ZFPM1: variants seen among roughly 807,000 people sequenced by gnomAD.
The protein encoded by ZFPM1 is zinc finger protein ZFPM1.
In ZFPM1, 28 loss-of-function variants were observed where a neutral mutation model predicts 46.3. That is an observed-to-expected ratio of 0.60 (90% confidence interval 0.45 to 0.83). The LOEUF (loss-of-function observed/expected upper bound fraction) is 0.83. Among genes scored for constraint, ZFPM1 ranks in the 40% least tolerant of loss-of-function variants. The pLI, the probability that ZFPM1 is intolerant of heterozygous loss-of-function variation, is 0.00. For synonymous variants in ZFPM1, 957 were observed against 675.9 expected, an observed-to-expected ratio of 1.42 and a Z score of -6.45; for missense variants, 1,878 against 1,432.4, an observed-to-expected ratio of 1.31 and a Z score of -5.02.
intron 1 of ZFPM1, among the ~76,000 whole-genome samples, chr16:88,476,973 G>A (rs1202739857): frequency 1.3e-5 from 2 of 152,262 alleles, no homozygotes; most frequent in African/African-American, 4.8e-5. Flanking sequence ...GTGTGATAGC[G>A]ATGGAGAGAA....
chr16:88,510,405 C>T (rs1297246554), intron 3 of ZFPM1, among the ~76,000 whole-genome samples: 1 of 152,248 alleles, frequency 6.6e-6, no homozygotes, highest in Non-Finnish European at 1.5e-5. Flanking sequence ...CTGCTTCCAT[C>T]CCCATGGGGT....
rs1912970063 is a variant in ZFPM1 at position 88,533,426 on chromosome 16, C to G, written c.1468C>G (p.Pro490Ala). Residue 490 changes from proline to alanine, a missense_variant, in exon 10 of 10, where the codon CCG becomes GCG. Pro to Ala is a conservative substitution (Grantham distance 27, BLOSUM62 -1). Coordinates refer to ENST00000319555, the MANE Select transcript of ZFPM1 (RefSeq NM_153813.3). ...TGGGCCCCAGGCCCCGTCGCGGACG[C>G]CGTCGCCGCGCAGCCCCGCCCCGGC... ...EPGPQAPSRT[P>A]SPRSPAPARV... 1.4e-6 allele frequency: 2 copies of G among 1,474,468 alleles called. No homozygotes were observed. The highest frequency in any genetic ancestry group is 2.6e-5 in the South Asian group (2 of 76,390). The allele number at this position is 1,474,468 out of a possible 1,614,324, so 91.3% of individuals were successfully genotyped here. A position where few individuals can be genotyped will look rare whatever the true frequency, so the allele number is the denominator to read the frequency against.
At chr16:88,502,727 C>G (rs1255602249) in intron 3 of ZFPM1, among the ~76,000 whole-genome samples, 1 of 152,252 alleles carries the variant, frequency 6.6e-6, no homozygotes, top group Non-Finnish European at 1.5e-5. Context: ...GGGAATTTAT[C>G]CCAGAAAAAT....
intron 1 of ZFPM1, among the ~76,000 whole-genome samples, chr16:88,473,996 C>T (rs932095603): frequency 6.6e-6 from 1 of 152,238 alleles, no homozygotes; most frequent in Non-Finnish European, 1.5e-5. Flanking sequence ...ATCGGAGGGC[C>T]GGGAGTGGCC....
chr16:88,519,764 GGTGGGT>G, intron 4 of ZFPM1, among the ~76,000 whole-genome samples: 3 of 150,340 alleles, frequency 2.0e-5, no homozygotes, highest in African/African-American at 7.4e-5. Flanking sequence ...ACAGATGGAT[GGTGGGT>G]GGATGGATGG....
intron 4 of ZFPM1, among the ~76,000 whole-genome samples, chr16:88,524,055 C>T (rs1022080963): frequency 8.5e-5 from 13 of 152,328 alleles, no homozygotes; most frequent in African/African-American, 3.1e-4. Context: ...AGCATTAAAC[C>T]GGCCGGCAGG....
intron 1 of ZFPM1, among the ~76,000 whole-genome samples, chr16:88,479,445 C>G (rs1908828236): frequency 6.6e-6 from 1 of 151,996 alleles, no homozygotes; most frequent in South Asian, 2.1e-4. Flanking sequence ...GGACCCAGGC[C>G]CTCTGCAATG....
rs760642015 is a variant in ZFPM1, at chr16:88,532,901, A to G, written c.1155A>G (p.Pro385=). The G allele has an allele frequency of 2.5e-6, 4 of 1,613,144 alleles. No individual in the cohort carries two copies. In the Admixed American group the frequency reaches 6.7e-5, roughly 27 times the overall value. ...GCTCCAAGGGTGAGATCTACTCGCC[A>G]GGGGCCGGACACCCAGCAACCAAGC... ...QPGSKGEIYS[P]GAGHPATKLP... is the part of the protein sequence containing the mutation. The change falls in exon 9 of 10, where the codon CCA becomes CCG. Residue 385 remains proline (P), a synonymous_variant. Transcript: ENST00000319555.
At chr16:88,464,301 G>GC (rs1415821139) in intron 1 of ZFPM1, among the ~76,000 whole-genome samples, 1 of 152,206 alleles carries the variant, frequency 6.6e-6, no homozygotes, top group African/African-American at 2.4e-5. Flanking sequence ...CCCCCAGGCT[G>GC]CCTGTTTATG....
chr16:88,459,785 T>TCCC (rs1907733459), intron 1 of ZFPM1, among the ~76,000 whole-genome samples: 1 of 58,984 alleles, frequency 1.7e-5, no homozygotes, highest in Non-Finnish European at 3.2e-5. Flanking sequence ...CTTCCCCTCC[T>TCCC]CCTCCCCCTC....
At chr16:88,467,137 G>A (rs1272988018) in intron 1 of ZFPM1, among the ~76,000 whole-genome samples, 1 of 152,104 alleles carries the variant, frequency 6.6e-6, no homozygotes, top group Non-Finnish European at 1.5e-5. Context: ...TGTCACCTAG[G>A]GCCTCGTCCC....
At chr16:88,532,753 C>T (rs751584200) in intron 8 of ZFPM1, 36 bp from the exon 9 acceptor site, 14 of 1,612,644 alleles carry the variant, frequency 8.7e-6, no homozygotes, top group Admixed American at 1.7e-5. Flanking sequence ...CCCGCCTCCC[C>T]GCCCTGGGCC....
In ZFPM1 at chr16:88,471,297, C is replaced by T. The variant is rs1746192331; in HGVS notation, c.41-14642C>T. Among the ~76,000 whole-genome samples the T allele has an allele frequency of 6.6e-6, 1 of 152,268 alleles. No homozygotes were observed. Among genetic ancestry groups the T allele is most frequent in the Non-Finnish European group, 1.5e-5 (1 of 68,048 alleles). ...CCTCCACCCTCGCGAAGGCCAGCGG[C>T]CGCAGGGTCTGGCTTGGGCTATAGC... On this transcript the variant is annotated intron_variant, in intron 1 of 9. Coordinates refer to ENST00000319555, the MANE Select transcript of ZFPM1 (RefSeq NM_153813.3). The surrounding 1 kb of genome is among the most constrained non-coding windows in gnomAD (Gnocchi z 4.1).
rs772812476 is a variant in ZFPM1, at chr16:88,534,433, C to T, written c.2475C>T (p.Ser825=). The T allele has an allele frequency of 2.7e-6, 4 of 1,496,938 alleles. No homozygotes were observed. In the African/African-American group the frequency reaches 4.4e-5, roughly 16 times the overall value. The allele number at this position is 1,496,938 out of a possible 1,614,324, so 92.7% of individuals were successfully genotyped here. ...ACGAGTGCACGGCCTGCCGCGTGAG[C>T]TTCCACAGCCTCGAGGCCTACCTGG... is the stretch of plus-strand genomic sequence containing the variant. ...DYHECTACRV[S]FHSLEAYLAH... is the part of the protein sequence containing the mutation. Residue 825 remains serine, a synonymous_variant, in exon 10 of 10, where the codon AGC becomes AGT. Transcript: ENST00000319555.
chr16:88,453,876 C>T (rs1907410386), intron 1 of ZFPM1, among the ~76,000 whole-genome samples, 198 bp downstream of exon 1: 1 of 151,788 alleles, frequency 6.6e-6, no homozygotes, highest in African/African-American at 2.4e-5. Context: ...TCGGCTTGGG[C>T]ACCGGGGGGT....
At chr16:88,493,123 G>GAGCTGTCCCGGGGTGGGGA (rs1909690445) in intron 3 of ZFPM1, among the ~76,000 whole-genome samples, 1 of 72,520 alleles carries the variant, frequency 1.4e-5, no homozygotes, top group East Asian at 5.6e-4. Context: ...CGGGGTGGGG[G>GAGCTGTCCCGGGGTGGGGA]GAGCTGTCCC....
chr16:88,514,449 A>G lies in ZFPM1; in HGVS notation c.331A>G (p.Thr111Ala). The G allele has an allele frequency of 6.4e-7, 1 of 1,558,442 alleles. No homozygotes were observed. The highest frequency in any genetic ancestry group is 8.7e-7 in the Non-Finnish European group (1 of 1,151,516). ...CATACGGGCCCGACTCAGCCTCGCC[A>G]CGGGCCTGTCCTGGGGCCCGTTCCA... ...RRIRARLSLA[T>A]GLSWGPFHGS... The change falls in exon 4 of 10, where the codon ACG becomes GCG. Residue 111 changes from threonine (T) to alanine (A), a missense_variant. Coordinates refer to ENST00000319555, the MANE Select transcript of ZFPM1 (RefSeq NM_153813.3).
Position 88,533,805 on chromosome 16 carries a change from A to C in ZFPM1, c.1847A>C (p.Lys616Thr). The C allele has an allele frequency of 8.8e-7, 1 of 1,134,178 alleles. No homozygotes were observed. The highest frequency in any genetic ancestry group is 1.1e-6 in the Non-Finnish European group (1 of 911,710). The allele number at this position is 1,134,178 out of a possible 1,614,324, so 70.3% of individuals were successfully genotyped here. Reference protein sequence around the residue: ...PEDAPAARRPKAPPGPARAPP... With the variant: ...PEDAPAARRPTAPPGPARAPP... ...GACGCGCCTGCCGCGCGCAGGCCCA[A>C]GGCGCCCCCCGGCCCGGCCCGCGCG... The change falls in exon 10 of 10, where the codon AAG becomes ACG. Residue 616 changes from lysine (K) to threonine (T), a missense_variant. Transcript: ENST00000319555.
At chr16:88,516,643 G>A (rs1597268824) in intron 4 of ZFPM1, 7 of 398,522 alleles carry the variant, frequency 1.8e-5, no homozygotes, top group Middle Eastern at 1.2e-3. Flanking sequence ...ACGCCTTTCC[G>A]ATACTTCATT....
Sources: gnomAD v4.1 joint callset for allele counts (sites outside exome capture counted in the v4.1 genomes callset) on GRCh38, gnomAD v4.1.1 for gene constraint, Gnocchi (gnomAD v3.1) non-coding constraint, MANE v1.5 for transcripts, NCBI Gene and HGNC (gene_info 2026-07-23, HGNC 2026-07-21) for gene names.